The following TMOD1 variants were observed in gnomAD, a reference collection of about 807,000 sequenced individuals.
The protein encoded by TMOD1 is tropomodulin-1.
In TMOD1, 17 loss-of-function variants were observed where a neutral mutation model predicts 40.6. The observed-to-expected ratio is 0.42, with a 90% CI of 0.29 to 0.63. The LOEUF (loss-of-function observed/expected upper bound fraction) is 0.63. Among genes scored for constraint, TMOD1 ranks in the 20% least tolerant of loss-of-function variants. TMOD1 has a pLI of 0.22. For synonymous variants in TMOD1, 181 were observed against 175.0 expected, an observed-to-expected ratio of 1.03 and a Z score of -0.27; for missense variants, 391 against 447.6, an observed-to-expected ratio of 0.87 and a Z score of 1.14.
At position 97,568,920 on chromosome 9, in the gene TMOD1, C is replaced by A. The variant is rs1285439516; in HGVS notation, c.753C>A (p.Asn251Lys). Residue 251 changes from asparagine (N) to lysine (K), a missense_variant, in exon 8 of 10, where the codon AAC becomes AAA. Coordinates refer to ENST00000259365, the MANE Select transcript of TMOD1 (RefSeq NM_003275.4). ...AYALAEMLKE[N>K]KVLKTLNVES... ...CCCTTGCTGAGATGCTCAAGGAGAA[C>A]AAGGTGTTGAAGACACTGAATGTGG... 6.2e-7 allele frequency: 1 copy of A among 1,614,192 alleles called. No individual in the cohort carries two copies. Among genetic ancestry groups the A allele is most frequent in the Admixed American group, 1.7e-5 (1 of 60,030 alleles).
At chr9:97,584,095 G>A (rs1188853653) in intron 8 of TMOD1, among the ~76,000 whole-genome samples, 1,792 of 149,310 alleles carry the variant, frequency 0.012, 27 homozygotes, top group African/African-American at 0.04. Context: ...TGTGATGTTA[G>A]GGTGTCAATT....
chr9:97,529,770 T>TG (rs1264862753), intron 2 of TMOD1, among the ~76,000 whole-genome samples: 1 of 152,192 alleles, frequency 6.6e-6, no homozygotes, highest in African/African-American at 2.4e-5. Flanking sequence ...TACCAGGCAG[T>TG]GGGGGCAACA....
At chr9:97,514,921 C>A (rs1256740665) in intron 1 of TMOD1, among the ~76,000 whole-genome samples, 2 of 152,204 alleles carry the variant, frequency 1.3e-5, no homozygotes, top group Non-Finnish European at 2.9e-5. Flanking sequence ...GACTTCCTGG[C>A]CCTGCCCTAG....
intron 2 of TMOD1, among the ~76,000 whole-genome samples, chr9:97,542,709 C>T (rs1000845709): frequency 5.9e-5 from 9 of 151,890 alleles, no homozygotes; most frequent in African/African-American, 1.7e-4. Flanking sequence ...AAAAATTAGC[C>T]GGGCATGGTG....
At chr9:97,582,475 C>G (rs1175111365) in intron 8 of TMOD1, among the ~76,000 whole-genome samples, 1 of 146,460 alleles carries the variant, frequency 6.8e-6, no homozygotes, top group Admixed American at 6.8e-5. Flanking sequence ...ATTGACTTGG[C>G]GATGCAGGCT....
intron 8 of TMOD1, among the ~76,000 whole-genome samples, chr9:97,570,541 G>A (rs1195268136): frequency 6.6e-6 from 1 of 151,298 alleles, no homozygotes; most frequent in Admixed American, 6.6e-5. Context: ...TTTTCTTTGA[G>A]AGCCAGGTTA....
At chr9:97,596,778 G>GC (rs1826121768) in intron 9 of TMOD1, among the ~76,000 whole-genome samples, 1 of 152,198 alleles carries the variant, frequency 6.6e-6, no homozygotes, top group Non-Finnish European at 1.5e-5. Flanking sequence ...TACTCCCAAT[G>GC]CCCCCCACCT....
At chr9:97,586,400 C>T (rs1203698047) in intron 8 of TMOD1, among the ~76,000 whole-genome samples, 94 of 151,784 alleles carry the variant, frequency 6.2e-4, no homozygotes, top group African/African-American at 2.2e-3. Flanking sequence ...AACCACTGCT[C>T]TCTTCAAAGC....
intron 2 of TMOD1, among the ~76,000 whole-genome samples, chr9:97,530,421 A>G (rs1181258361): frequency 6.6e-6 from 1 of 152,168 alleles, no homozygotes; most frequent in African/African-American, 2.4e-5. Context: ...AACCATAGAA[A>G]CAATAATGGA....
intron 2 of TMOD1, among the ~76,000 whole-genome samples, chr9:97,543,784 A>G (rs1035744197): frequency 3.3e-5 from 5 of 152,332 alleles, no homozygotes; most frequent in Middle Eastern, 6.8e-3. Flanking sequence ...GTGGAAGAGA[A>G]GGCGTGGGCA....
chr9:97,559,794 A>AAAAAAAAT lies in TMOD1; in HGVS notation c.398-2937_398-2936insAAAAAATA, dbSNP rs1390791825. ...ATTTAAAAAAAAAAAAAAAAAAAAA[A>AAAAAAAAT]ATATATATATATATATATATATATA... On this transcript the variant is annotated intron_variant, in intron 4 of 9. Coordinates refer to ENST00000259365, the MANE Select transcript of TMOD1 (RefSeq NM_003275.4). Among the ~76,000 whole-genome samples the AAAAAAAAT allele has an allele frequency of 9.5e-4, 22 of 23,146 alleles. No individual in the cohort carries two copies. The East Asian group carries it at 0.014, about 15-fold the overall frequency. The allele number at this position is 23,146 out of a possible 152,430, so 15.2% of individuals were successfully genotyped here.
At chr9:97,529,133 G>A (rs1426044018) in intron 2 of TMOD1, among the ~76,000 whole-genome samples, 1 of 152,198 alleles carries the variant, frequency 6.6e-6, no homozygotes, top group African/African-American at 2.4e-5. Flanking sequence ...CAGGGAGAGA[G>A]TTTAGACTGC....
At chr9:97,556,143 C>T (rs1830533136) in intron 4 of TMOD1, among the ~76,000 whole-genome samples, 1 of 151,980 alleles carries the variant, frequency 6.6e-6, no homozygotes, top group Non-Finnish European at 1.5e-5. Flanking sequence ...GGAGGCAGGC[C>T]TTCGATGAGG....
At chr9:97,556,651 A>G (rs1034621619) in intron 4 of TMOD1, among the ~76,000 whole-genome samples, 13 of 152,166 alleles carry the variant, frequency 8.5e-5, no homozygotes, top group African/African-American at 2.9e-4. Context: ...TGGTAAGAAA[A>G]CAGCCCAGTT....
intron 2 of TMOD1, among the ~76,000 whole-genome samples, chr9:97,538,388 G>A (rs553700981): frequency 6.6e-6 from 1 of 152,038 alleles, no homozygotes; most frequent in Non-Finnish European, 1.5e-5. Flanking sequence ...TGTGTGACAA[G>A]TGCATGTGAC....
At chr9:97,506,892 T>G (rs536465458) in intron 1 of TMOD1, among the ~76,000 whole-genome samples, 13 of 152,384 alleles carry the variant, frequency 8.5e-5, no homozygotes, top group Non-Finnish European at 1.8e-4. Flanking sequence ...AGATGGGGCT[T>G]GAGAGTCTGA....
rs191077767 is a variant in TMOD1, at chr9:97,586,960, C to T, written c.871-4331C>T. 1.5e-4 allele frequency among the ~76,000 whole-genome samples: 23 copies of T among 152,330 alleles called. No individual in the cohort carries two copies. In the East Asian group the frequency reaches 1.5e-3, roughly 10 times the overall value. ...CTCAGATGGAAATGCAGAAATCACC[C>T]GTCTTCTGCGTTGCTCACGCTGGGA... On this transcript the variant is annotated intron_variant, in intron 8 of 9. Coordinates refer to ENST00000259365, the MANE Select transcript of TMOD1 (RefSeq NM_003275.4).
chr9:97,521,557 C>T (rs1829916148), intron 1 of TMOD1, among the ~76,000 whole-genome samples: 1 of 152,150 alleles, frequency 6.6e-6, no homozygotes, highest in African/African-American at 2.4e-5. Context: ...TTCTGAGGGC[C>T]TTCAGGAAGG....
intron 1 of TMOD1, among the ~76,000 whole-genome samples, chr9:97,509,410 G>A (rs1156262787): frequency 2.6e-5 from 4 of 151,822 alleles, no homozygotes; most frequent in Non-Finnish European, 5.9e-5. Flanking sequence ...GTTAATAGTA[G>A]TCTGTTGTAT....
Sources: allele counts gnomAD v4.1 joint callset (sites outside exome capture counted in the v4.1 genomes callset), GRCh38; gene constraint gnomAD v4.1.1; transcripts MANE v1.5; gene names NCBI Gene and HGNC (gene_info 2026-07-23, HGNC 2026-07-21).